PCOLCE2: variants seen among roughly 807,000 people sequenced by gnomAD.
PCOLCE2 encodes the protein procollagen C-endopeptidase enhancer 2.
Under a neutral mutation model 47.0 loss-of-function variants are expected in PCOLCE2, and 42 were observed. The ratio of observed to expected loss-of-function variants is 0.89; its 90% CI spans 0.70 to 1.16. The LOEUF (loss-of-function observed/expected upper bound fraction) is 1.16. Ranked by LOEUF, PCOLCE2 falls within the 50% of genes most tolerant of loss-of-function variation. The pLI is 0.00. For missense variants in PCOLCE2, 500 were observed against 526.1 expected (o/e 0.95, Z 0.49); for synonymous variants, 169 against 191.7 (o/e 0.88, Z 0.98).
At chr3:142,830,842 G>T (rs1937143536) in intron 5 of PCOLCE2, among the ~76,000 whole-genome samples, 1 of 152,204 alleles carries the variant, frequency 6.6e-6, no homozygotes, top group African/African-American at 2.4e-5. Context: ...ATTAACCAGT[G>T]GTCTGACTGA....
rs1327708525 is a variant in PCOLCE2, at chr3:142,842,447, C to T, written c.573+477G>A. On this transcript the variant is annotated intron_variant, in intron 4 of 8. Transcript: ENST00000295992. The surrounding 1 kb of genome is among the most constrained non-coding windows in gnomAD (Gnocchi z 4.1). The stretch of plus-strand genomic sequence containing the variant: ...CATGAATTTGCAACTCAAAAAAATG[C>T]AAAGGCTAGGCCGGGCACGGTGGCT... 6.6e-6 allele frequency among the ~76,000 whole-genome samples: 1 copy of T among 152,058 alleles called. No homozygotes were observed. Among genetic ancestry groups the T allele is most frequent in the East Asian group, 1.9e-4 (1 of 5,182 alleles).
chr3:142,843,092 G>C (rs763582059), intron 3 of PCOLCE2, 44 bp from the exon 4 acceptor site: 4 of 1,595,074 alleles, frequency 2.5e-6, no homozygotes, highest in Non-Finnish European at 2.6e-6. Context: ...GTTTATGTAG[G>C]TTACAGCAAT....
Position 142,888,854 on chromosome 3 carries a change from C to G in PCOLCE2, c.43G>C (p.Ala15Pro), listed in dbSNP as rs1933768314. Residue 15 changes from alanine (A) to proline (P), a missense_variant, in exon 1 of 9, where the codon GCT (alanine) becomes CCT (proline). Ala to Pro is a conservative substitution (Grantham distance 27). Transcript: ENST00000295992. ...TGCCGCGAGAGCTGGGTGGCGGCAG[C>G]CAGCAGCAGGCAGAGTGGCGCCCAG... Reference protein sequence around the residue: ...NAWAPLCLLLAAATQLSRQQS... With the variant: ...NAWAPLCLLLPAATQLSRQQS... 2 of 1,548,144 alleles carry G rather than the reference C, an allele frequency of 1.3e-6. No individual in the cohort carries two copies. Among genetic ancestry groups the G allele is most frequent in the East Asian group, 5.2e-5 (2 of 38,418 alleles).
intron 2 of PCOLCE2, among the ~76,000 whole-genome samples, chr3:142,858,672 C>T (rs981367466): frequency 6.6e-6 from 1 of 152,084 alleles, no homozygotes; most frequent in Non-Finnish European, 1.5e-5. Flanking sequence ...ATATGCCCGT[C>T]CCAAGCAGTC....
intron 6 of PCOLCE2, chr3:142,827,569 A>T (rs902302400): frequency 1.6e-5 from 23 of 1,472,400 alleles, no homozygotes; most frequent in Non-Finnish European, 2.1e-5. Flanking sequence ...CAGGGAGCAC[A>T]CTGCCAATGT....
chr3:142,886,073 A>G (rs1173246355), intron 2 of PCOLCE2, among the ~76,000 whole-genome samples: 7 of 152,220 alleles, frequency 4.6e-5, no homozygotes, highest in Admixed American at 4.6e-4. Flanking sequence ...TGGAATTTGA[A>G]TCCAGGGAAG....
chr3:142,827,617 C>T lies in PCOLCE2; in HGVS notation c.865+2075G>A, dbSNP rs747792789. Reference sequence around the variant, plus strand: ...TCTTGCCGCAATACACAAACTGGCCCGTGTGAATGCCCTCGGCAGCAATGA... The same window carrying T: ...TCTTGCCGCAATACACAAACTGGCCTGTGTGAATGCCCTCGGCAGCAATGA... On this transcript the variant is annotated intron_variant, in intron 6 of 8. Coordinates refer to ENST00000295992, the MANE Select transcript of PCOLCE2 (RefSeq NM_013363.4). 3.5e-5 allele frequency: 51 copies of T among 1,472,028 alleles called. No individual in the cohort carries two copies. In the Admixed American group the frequency reaches 4.9e-4, roughly 14 times the overall value. 91.2% of individuals were successfully genotyped at this position (1,472,028 alleles called of 1,614,324 possible).
intron 2 of PCOLCE2, among the ~76,000 whole-genome samples, chr3:142,862,339 C>G (rs1933195839): frequency 6.6e-6 from 1 of 152,210 alleles, no homozygotes; most frequent in Non-Finnish European, 1.5e-5. Flanking sequence ...TGACACCTCC[C>G]TTCTCCTCTG....
At chr3:142,827,554 G>A in intron 6 of PCOLCE2, 1 of 1,475,248 alleles carries the variant, frequency 6.8e-7, no homozygotes, top group African/African-American at 1.4e-5. Context: ...CAGGCATGGT[G>A]CCCACAGGGA....
intron 2 of PCOLCE2, among the ~76,000 whole-genome samples, chr3:142,855,799 T>C (rs1371678252): frequency 6.6e-6 from 1 of 152,106 alleles, no homozygotes; most frequent in African/African-American, 2.4e-5. Context: ...AGTGGAGGTG[T>C]TGGAAGACAG....
chr3:142,850,877 C>T (rs1211285800), intron 2 of PCOLCE2, among the ~76,000 whole-genome samples: 1 of 152,082 alleles, frequency 6.6e-6, no homozygotes, highest in East Asian at 1.9e-4. Context: ...TGTTTGCATG[C>T]TGATGGGAAG....
At chr3:142,876,407 A>C (rs1933499014) in intron 2 of PCOLCE2, among the ~76,000 whole-genome samples, 1 of 152,204 alleles carries the variant, frequency 6.6e-6, no homozygotes, top group Non-Finnish European at 1.5e-5. Flanking sequence ...ACTGAGGCAC[A>C]GGGAGGTTAA....
chr3:142,825,483 C>T (rs576998754), intron 6 of PCOLCE2, among the ~76,000 whole-genome samples: 1 of 152,302 alleles, frequency 6.6e-6, no homozygotes, highest in South Asian at 2.1e-4. Flanking sequence ...GTCCCCGTGG[C>T]CTCATCTTCA....
At chr3:142,870,397 A>G (rs1933366323) in intron 2 of PCOLCE2, among the ~76,000 whole-genome samples, 1 of 152,236 alleles carries the variant, frequency 6.6e-6, no homozygotes, top group Non-Finnish European at 1.5e-5. Flanking sequence ...AGCTCTAGAA[A>G]GTATTTTTCA....
chr3:142,879,207 T>G (rs1359906688), intron 2 of PCOLCE2, among the ~76,000 whole-genome samples: 2 of 152,114 alleles, frequency 1.3e-5, no homozygotes. Context: ...CAGGAAAGAA[T>G]GATTTTTGTT....
chr3:142,888,944 A>G lies in PCOLCE2; in HGVS notation c.-48T>C. 2 of 910,186 alleles carry G rather than the reference A, an allele frequency of 2.2e-6. No homozygotes were observed. Among genetic ancestry groups the G allele is most frequent in the Non-Finnish European group, 3.1e-6 (2 of 649,576 alleles). The allele number at this position is 910,186 out of a possible 1,614,324, so 56.4% of individuals were successfully genotyped here. A position where few individuals can be genotyped will look rare whatever the true frequency, so the allele number is the denominator to read the frequency against. On this transcript the variant is annotated 5_prime_UTR_variant, in exon 1 of 9. Coordinates refer to ENST00000295992, the MANE Select transcript of PCOLCE2 (RefSeq NM_013363.4). ...TGCACCCCACGGCGCGCGCGCCGGCACACACGCCCCTCCGCACCCACCGCG... is the reference window on the plus strand; with the variant it reads ...TGCACCCCACGGCGCGCGCGCCGGCGCACACGCCCCTCCGCACCCACCGCG...
At chr3:142,863,263 T>C in intron 2 of PCOLCE2, among the ~76,000 whole-genome samples, 1 of 152,296 alleles carries the variant, frequency 6.6e-6, no homozygotes, top group South Asian at 2.1e-4. Flanking sequence ...TTTCAAGCCC[T>C]GCAGGTACCA....
intron 2 of PCOLCE2, among the ~76,000 whole-genome samples, chr3:142,851,663 T>C (rs1363599246): frequency 2.0e-5 from 3 of 152,132 alleles, no homozygotes; most frequent in African/African-American, 7.2e-5. Context: ...AGATCACCCA[T>C]ATAGATATTG....
chr3:142,888,621 G>A (rs1933762734), intron 1 of PCOLCE2, 193 bp downstream of exon 1: 1 of 426,916 alleles, frequency 2.3e-6, no homozygotes, highest in South Asian at 7.5e-5. Context: ...GGAGCCCCGC[G>A]AGCAAGGATG....
Sources: allele counts gnomAD v4.1 joint callset (sites outside exome capture counted in the v4.1 genomes callset), GRCh38; gene constraint gnomAD v4.1.1; non-coding constraint Gnocchi (gnomAD v3.1); transcripts MANE v1.5; gene names NCBI Gene and HGNC (gene_info 2026-07-23, HGNC 2026-07-21).